Variants in SLC25A46 observed in about 807,000 individuals in gnomAD.
SLC25A46 encodes the protein solute carrier family 25 member 46, also known as mitochondrial outer membrane protein SLC25A46.
Under a neutral mutation model 44.6 loss-of-function variants are expected in SLC25A46, and 39 were observed. The ratio of observed to expected loss-of-function variants is 0.87; its 90% confidence interval spans 0.68 to 1.14. The LOEUF (loss-of-function observed/expected upper bound fraction) is 1.14. SLC25A46 is among the 50% of genes most tolerant of loss of function. The pLI is 0.00. For synonymous variants in SLC25A46, 202 were observed against 185.8 expected (o/e 1.09, Z -0.71); for missense variants, 547 against 522.7 (o/e 1.05, Z -0.45).
At chr5:110,750,268 A>G (rs1321813337) in intron 5 of SLC25A46, among the ~76,000 whole-genome samples, 1 of 152,026 alleles carries the variant, frequency 6.6e-6, no homozygotes, top group Non-Finnish European at 1.5e-5. Flanking sequence ...TTCTTTAAAA[A>G]TCTGTATTTC....
At chr5:110,739,448 C>T (rs754775612) in intron 1 of SLC25A46, 46 bp downstream of exon 1, 14 of 1,499,054 alleles carry the variant, frequency 9.3e-6, no homozygotes, top group African/African-American at 1.4e-5. Context: ...TTACTGGGGC[C>T]GCGGCTTGCG....
In SLC25A46 at chr5:110,761,696, G is replaced by A; in HGVS notation, c.1171G>A (p.Ala391Thr). ...GTTTGGTTTTTATAAAGGGTTTGGT[G>A]CTGTTATAATACAGTACACACTGCA... ...GVFGFYKGFG[A>T]VIIQYTLHAA... Residue 391 changes from alanine (A) to threonine (T), a missense_variant, in exon 8 of 8, where the codon GCT (alanine) becomes ACT (threonine). Coordinates refer to ENST00000355943, the MANE Select transcript of SLC25A46 (RefSeq NM_138773.4). This position sits in a 1 kb window ranked among gnomAD's most constrained non-coding sequence, Gnocchi z 5.3. 1 of 1,613,458 alleles carries A rather than the reference G, an allele frequency of 6.2e-7. No individual in the cohort carries two copies. Among genetic ancestry groups the A allele is most frequent in the Non-Finnish European group, 8.5e-7 (1 of 1,179,648 alleles).
rs998421672 is a variant in SLC25A46, at chr5:110,763,863, T to C, written c.*2081T>C. 6.6e-6 allele frequency: 1 copy of C among 151,812 alleles called. No individual in the cohort carries two copies. The highest frequency in any genetic ancestry group is 1.5e-5 in the Non-Finnish European group (1 of 67,832). 9.4% of individuals were successfully genotyped at this position (151,812 alleles called of 1,614,324 possible). Reference sequence around the variant, plus strand: ...AATGTAGAAAGTAAAATATGAATAATTTTTTACAACCACTCCAAATTAGTT... The same window carrying C: ...AATGTAGAAAGTAAAATATGAATAACTTTTTACAACCACTCCAAATTAGTT... On this transcript the variant is annotated 3_prime_UTR_variant, in exon 8 of 8. Coordinates refer to ENST00000355943, the MANE Select transcript of SLC25A46 (RefSeq NM_138773.4).
intron 7 of SLC25A46, 131 bp downstream of exon 7, chr5:110,756,890 T>C (rs1052918699): frequency 3.1e-5 from 16 of 508,290 alleles, no homozygotes; most frequent in Non-Finnish European, 5.3e-5. Flanking sequence ...TTTATAAATA[T>C]CACAGTTATA....
intron 5 of SLC25A46, among the ~76,000 whole-genome samples, chr5:110,749,328 A>G (rs1012697200): frequency 6.6e-6 from 1 of 151,944 alleles, no homozygotes; most frequent in African/African-American, 2.4e-5. Context: ...CATGGATCAG[A>G]GTAAAAAAAA....
chr5:110,760,824 A>G (rs1800229466), intron 7 of SLC25A46, among the ~76,000 whole-genome samples: 2 of 152,128 alleles, frequency 1.3e-5, no homozygotes, highest in Admixed American at 1.3e-4. Context: ...TAACTTGACA[A>G]TGGTTACATA....
chr5:110,746,891 G>C (rs1473320340), intron 4 of SLC25A46, among the ~76,000 whole-genome samples: 1 of 152,142 alleles, frequency 6.6e-6, no homozygotes, highest in Non-Finnish European at 1.5e-5. Flanking sequence ...TACAATGGGA[G>C]CTTGAAGTGG....
intron 5 of SLC25A46, chr5:110,754,412 T>TA (rs1393067665): frequency 1.3e-5 from 2 of 151,220 alleles, no homozygotes; most frequent in East Asian, 1.9e-4. Context: ...CTTTTTTTTT[T>TA]ACCCTCTATA....
In SLC25A46 at chr5:110,762,536, C is replaced by G. The variant is rs1043198523; in HGVS notation, c.*754C>G. On this transcript the variant is annotated 3_prime_UTR_variant, in exon 8 of 8. Coordinates refer to ENST00000355943, the MANE Select transcript of SLC25A46 (RefSeq NM_138773.4). ...TACAAGTCAGAGACAACATCCTTGT[C>G]CATATCCAAACCCAGTGTTTCAGTG... 6.6e-6 allele frequency: 1 copy of G among 151,742 alleles called. No individual in the cohort carries two copies. Among genetic ancestry groups the G allele is most frequent in the African/African-American group, 2.4e-5 (1 of 41,378 alleles). The allele number at this position is 151,742 out of a possible 1,614,324, so 9.4% of individuals were successfully genotyped here.
Position 110,761,396 on chromosome 5 carries a change from A to G in SLC25A46, c.871A>G (p.Lys291Glu). The stretch of plus-strand genomic sequence containing the variant: ...TCAGAAGTTTGTCCTACTAATTCTA[A>G]AGAGAAAGACTTACAATAGCCACCT... The part of the protein sequence containing the change: ...VIQKFVLLIL[K>E]RKTYNSHLAE... The change falls in exon 8 of 8, where the codon AAG becomes GAG. Residue 291 changes from lysine (K) to glutamate (E), a missense_variant. Transcript: ENST00000355943. This position sits in a 1 kb window ranked among gnomAD's most constrained non-coding sequence, Gnocchi z 5.3. 6.2e-7 allele frequency: 1 copy of G among 1,613,780 alleles called. No homozygotes were observed.
At chr5:110,741,315 A>G (rs244412) in intron 1 of SLC25A46, among the ~76,000 whole-genome samples, 92,506 of 152,108 alleles carry the variant, frequency 0.61, 32,516 homozygotes, top group Non-Finnish European at 0.79. Context: ...TAACAGACAT[A>G]CCATCTGTAG....
chr5:110,743,525 A>G (rs1799740465), intron 2 of SLC25A46, among the ~76,000 whole-genome samples: 1 of 152,064 alleles, frequency 6.6e-6, no homozygotes, highest in Non-Finnish European at 1.5e-5. Flanking sequence ...TCTGGTTTTC[A>G]TTCTTTTCAT....
intron 1 of SLC25A46, chr5:110,741,779 C>T (rs556804432): frequency 3.4e-6 from 1 of 294,610 alleles, no homozygotes. Flanking sequence ...ACCCTGGGCC[C>T]ACACTCTAAT....
intron 7 of SLC25A46, among the ~76,000 whole-genome samples, chr5:110,757,187 A>G (rs952926122): frequency 4.6e-5 from 7 of 152,128 alleles, no homozygotes; most frequent in African/African-American, 1.7e-4. Flanking sequence ...TAGTTTACTG[A>G]CAGGATTCTT....
At chr5:110,744,706 A>G (rs961897657) in intron 3 of SLC25A46, among the ~76,000 whole-genome samples, 1 of 152,224 alleles carries the variant, frequency 6.6e-6, no homozygotes, top group Admixed American at 6.5e-5. Flanking sequence ...TTAATCAACA[A>G]TCTCACTTTG....
At position 110,761,216 on chromosome 5, in the gene SLC25A46, C is replaced by T. The variant is rs751101419; in HGVS notation, c.691C>T (p.Arg231Ter). The stretch of plus-strand genomic sequence containing the variant: ...ATTTTTATTTCAGAGTGAGATAATT[C>T]GAGATAATACTGGCATTTTGGAGTG... ...LIETVQSEII[R>*]DNTGILECVK... Residue 231 changes from arginine to a stop codon, truncating the protein, a stop_gained, in exon 8 of 8, where the codon CGA becomes TGA. Transcript: ENST00000355943. LOFTEE classifies it high-confidence loss of function. This position sits in a 1 kb window ranked among gnomAD's most constrained non-coding sequence, Gnocchi z 5.3. The T allele has an allele frequency of 6.9e-6, 11 of 1,590,976 alleles. No homozygotes were observed. The highest frequency in any genetic ancestry group is 3.4e-5 in the South Asian group (3 of 86,992).
chr5:110,764,052 T>C lies in SLC25A46; in HGVS notation c.*2270T>C. 1 of 151,950 alleles carries C rather than the reference T, an allele frequency of 6.6e-6. No homozygotes were observed. The highest frequency in any genetic ancestry group is 1.5e-5 in the Non-Finnish European group (1 of 67,828). The allele number at this position is 151,950 out of a possible 1,614,324, so 9.4% of individuals were successfully genotyped here. On this transcript the variant is annotated 3_prime_UTR_variant, in exon 8 of 8. Transcript: ENST00000355943. ...TGCCAAATCAAATATCCATGGGCTA[T>C]ACTTCTTAAGATAATAACAGCTCAA... is the stretch of plus-strand genomic sequence containing the variant.
Position 110,742,041 on chromosome 5 carries a change from CT to C in SLC25A46, c.284-3del. Reference sequence around the variant, plus strand: ...ATTTTTTTATTTCTATTTTTTTTTACTTTAGAACAGCTGAATAGATTTGCTG... The same window carrying C: ...ATTTTTTTATTTCTATTTTTTTTTACTTAGAACAGCTGAATAGATTTGCTG... On this transcript the variant is annotated splice_region_variant and splice_polypyrimidine_tract_variant and intron_variant, in intron 1 of 7. Transcript: ENST00000355943. 1 of 1,552,834 alleles carries C rather than the reference CT, an allele frequency of 6.4e-7. No homozygotes were observed.
chr5:110,746,386 G>A, intron 4 of SLC25A46, 40 bp downstream of exon 4: 1 of 1,369,660 alleles, frequency 7.3e-7, no homozygotes, highest in Non-Finnish European at 1.0e-6. Flanking sequence ...GTTTATATAA[G>A]TGTCATTTGG....
Sources: allele counts gnomAD v4.1 joint callset (sites outside exome capture counted in the v4.1 genomes callset), GRCh38; gene constraint gnomAD v4.1.1; non-coding constraint Gnocchi (gnomAD v3.1); transcripts MANE v1.5; gene names NCBI Gene and HGNC (gene_info 2026-07-23, HGNC 2026-07-21).